Variants in OPHN1 observed in about 807,000 individuals in gnomAD.
OPHN1 encodes oligophrenin-1.
In OPHN1, 11 loss-of-function variants were observed where a neutral mutation model predicts 60.7. That is an observed-to-expected ratio of 0.18 (90% CI 0.11 to 0.30). The LOEUF is 0.30. Among genes scored for constraint, OPHN1 ranks in the 10% least tolerant of loss-of-function variants. The pLI, the probability that OPHN1 is intolerant of heterozygous loss-of-function variation, is 1.00. For synonymous variants in OPHN1, 226 were observed against 222.6 expected, an observed-to-expected ratio of 1.02 and a Z score of -0.14; for missense variants, 449 against 611.0, an observed-to-expected ratio of 0.73 and a Z score of 2.80.
At chrX:68,368,733 T>C (rs1244033574) in intron 2 of OPHN1, among the ~76,000 whole-genome samples, 1 of 111,260 alleles carries the variant, frequency 9.0e-6, no homozygotes, top group Non-Finnish European at 1.9e-5. Context: ...TGAGTAGAGG[T>C]GGTTTTTGTT....
intron 11 of OPHN1, among the ~76,000 whole-genome samples, 164 bp downstream of exon 11, chrX:68,201,455 T>G (rs768015937): frequency 5.5e-4 from 61 of 111,388 alleles, no homozygotes; most frequent in Non-Finnish European, 4.9e-4. Flanking sequence ...CAGGGATCCC[T>G]GGGAAGGGCA....
At chrX:68,174,773 G>C (rs1285499812) in intron 15 of OPHN1, among the ~76,000 whole-genome samples, 1 of 110,134 alleles carries the variant, frequency 9.1e-6, no homozygotes, top group Admixed American at 9.7e-5. Flanking sequence ...AGCCCAGCCT[G>C]GAATGGTTAG....
chrX:68,183,019 A>T (rs749757368), intron 15 of OPHN1, among the ~76,000 whole-genome samples: 1 of 112,157 alleles, frequency 8.9e-6, no homozygotes, highest in South Asian at 3.8e-4. Flanking sequence ...TCTGTTCCAA[A>T]TTTCAGACAT....
intron 15 of OPHN1, among the ~76,000 whole-genome samples, chrX:68,144,421 G>A (rs755150278): frequency 4.5e-5 from 5 of 111,367 alleles, no homozygotes; most frequent in Admixed American, 3.8e-4. Context: ...AAAAACAATA[G>A]CACAGATAAT....
intron 15 of OPHN1, among the ~76,000 whole-genome samples, chrX:68,172,234 C>T (rs2077394861): frequency 8.9e-6 from 1 of 111,953 alleles, no homozygotes; most frequent in South Asian, 3.7e-4. Flanking sequence ...CTCAGCAACT[C>T]ATGAAGGGAA....
At chrX:68,339,550 TAATA>T (rs1386368634) in intron 2 of OPHN1, among the ~76,000 whole-genome samples, 1 of 112,384 alleles carries the variant, frequency 8.9e-6, no homozygotes, top group Non-Finnish European at 1.9e-5. Context: ...CTATTAGAAG[TAATA>T]AATAAGTTCA....
chrX:68,317,529 A>G (rs1185440828), intron 2 of OPHN1, among the ~76,000 whole-genome samples: 6 of 58,952 alleles, frequency 1.0e-4, no homozygotes, highest in Admixed American at 3.7e-4. Flanking sequence ...GAAAGAAAGA[A>G]AGAAAGAAAA....
At chrX:68,371,780 G>A (rs191508930) in intron 2 of OPHN1, among the ~76,000 whole-genome samples, 7 of 110,660 alleles carry the variant, frequency 6.3e-5, no homozygotes, top group Non-Finnish European at 7.6e-5. Flanking sequence ...TCAGTCACCC[G>A]GGCTGCCGGG....
At chrX:68,318,655 A>G (rs955394987) in intron 2 of OPHN1, among the ~76,000 whole-genome samples, 3 of 112,056 alleles carry the variant, frequency 2.7e-5, no homozygotes, top group Non-Finnish European at 5.6e-5. Context: ...CAACTAGTGA[A>G]TATTGATACA....
chrX:68,227,312 A>C (rs1319175870), intron 6 of OPHN1, among the ~76,000 whole-genome samples: 1 of 110,931 alleles, frequency 9.0e-6, no homozygotes, highest in East Asian at 2.8e-4. Context: ...ATAACGGGAG[A>C]CTTTGACACC....
intron 3 of OPHN1, among the ~76,000 whole-genome samples, chrX:68,290,280 T>A (rs1224778208): frequency 9.0e-6 from 1 of 110,863 alleles, no homozygotes; most frequent in East Asian, 2.8e-4. Context: ...GGCAACATGA[T>A]GAAATTCAAC....
chrX:68,343,362 C>A (rs759782125), intron 2 of OPHN1, among the ~76,000 whole-genome samples: 3 of 108,736 alleles, frequency 2.8e-5, no homozygotes, highest in Non-Finnish European at 5.7e-5. Flanking sequence ...GCGGGCAGAT[C>A]ACTTGAGGTC....
chrX:68,281,936 G>A (rs1313137490), intron 4 of OPHN1, among the ~76,000 whole-genome samples: 1 of 112,491 alleles, frequency 8.9e-6, no homozygotes, highest in African/African-American at 3.2e-5. Flanking sequence ...AGAACATGGA[G>A]CTGGCGAGGA....
rs139269579 is a variant in OPHN1, at chrX:68,160,682, T to A, written c.1276+32237A>T. Among the ~76,000 whole-genome samples the A allele has an allele frequency of 2.1e-3, 230 of 110,747 alleles. 1 individual carries two copies. The highest frequency in any genetic ancestry group is 7.1e-3 in the African/African-American group (216 of 30,618). On this transcript the variant is annotated intron_variant, in intron 15 of 24. Transcript: ENST00000355520. Reference sequence around the variant, plus strand: ...AATATACTCCTAAAAAACCAACACATCAAATAATATTACAATGAAAATTAG... The same window carrying A: ...AATATACTCCTAAAAAACCAACACAACAAATAATATTACAATGAAAATTAG...
chrX:68,363,943 T>G (rs1359305215), intron 2 of OPHN1, among the ~76,000 whole-genome samples: 1 of 111,387 alleles, frequency 9.0e-6, no homozygotes, highest in Non-Finnish European at 1.9e-5. Flanking sequence ...GTTTTGTGTA[T>G]GTTTGAAATT....
At chrX:68,074,289 T>C (rs1420648706) in intron 19 of OPHN1, among the ~76,000 whole-genome samples, 2 of 111,672 alleles carry the variant, frequency 1.8e-5, no homozygotes, top group Non-Finnish European at 3.8e-5. Flanking sequence ...AGGTGGACAA[T>C]GATAAGAAAC....
At chrX:68,245,617 A>G (rs2147539114) in intron 5 of OPHN1, among the ~76,000 whole-genome samples, 1 of 111,360 alleles carries the variant, frequency 9.0e-6, no homozygotes, top group South Asian at 3.8e-4. Context: ...TGTGGCTACC[A>G]GCCTGACTCT....
At chrX:68,169,517 A>G (rs753128768) in intron 15 of OPHN1, among the ~76,000 whole-genome samples, 21,840 of 106,067 alleles carry the variant, frequency 0.21, 3,160 homozygotes, top group African/African-American at 0.48. Flanking sequence ...ATCACGCTAC[A>G]TGACTTCAAA....
chrX:68,225,389 G>A (rs939580113), intron 6 of OPHN1, among the ~76,000 whole-genome samples: 4 of 111,774 alleles, frequency 3.6e-5, no homozygotes, highest in East Asian at 2.8e-4. Flanking sequence ...CTCCCAGCAC[G>A]GAGTTTGAGA....
Sources: allele counts gnomAD v4.1 joint callset (sites outside exome capture counted in the v4.1 genomes callset), GRCh38; gene constraint gnomAD v4.1.1; transcripts MANE v1.5; gene names NCBI Gene and HGNC (gene_info 2026-07-23, HGNC 2026-07-21).